Variants in LHFPL7 observed in about 807,000 individuals in gnomAD.
LHFPL7 encodes LHFPL tetraspan subfamily member 7 protein.
At chr22:24,939,182 C>A in the LHFPL7 span, among the ~76,000 whole-genome samples, 10 of 152,072 alleles carry the variant, frequency 6.6e-5, no homozygotes, top group African/African-American at 2.2e-4. Context: ...AACTTCTATG[C>A]TCAGTTCTAA....
the LHFPL7 span, chr22:24,939,363 A>G: frequency 1.4e-6 from 1 of 702,924 alleles, no homozygotes; most frequent in South Asian, 1.5e-5. Context: ...AATATCCTCC[A>G]GGGAACTGAA....
the LHFPL7 span, chr22:24,935,353 C>T: frequency 6.2e-7 from 1 of 1,613,172 alleles, no homozygotes; most frequent in Non-Finnish European, 8.5e-7. Flanking sequence ...ATTTCTGGCA[C>T]AAAGATGATT....
At chr22:24,945,741 C>T in the LHFPL7 span, among the ~76,000 whole-genome samples, 2 of 152,226 alleles carry the variant, frequency 1.3e-5, no homozygotes, top group East Asian at 3.8e-4. Context: ...AGAGGAAGGG[C>T]ACCCAGTCCA....
At chr22:24,940,676 T>TTC in the LHFPL7 span, among the ~76,000 whole-genome samples, 3 of 115,938 alleles carry the variant, frequency 2.6e-5, no homozygotes, top group African/African-American at 1.2e-4. Context: ...CTTCCTTCCC[T>TTC]CCTTCCTTCT....
At chr22:24,941,819 A>C in the LHFPL7 span, among the ~76,000 whole-genome samples, 3,859 of 151,370 alleles carry the variant, frequency 0.025, 322 homozygotes, top group Admixed American at 0.18. Context: ...GGCACAAGCC[A>C]TCACGCCCAG....
the LHFPL7 span, among the ~76,000 whole-genome samples, chr22:24,938,918 G>A: frequency 5.9e-5 from 9 of 152,334 alleles, no homozygotes; most frequent in African/African-American, 2.2e-4. Context: ...GGCCATCATA[G>A]ATTTGCAAAC....
chr22:24,941,947 G>A, the LHFPL7 span, among the ~76,000 whole-genome samples: 1 of 151,656 alleles, frequency 6.6e-6, no homozygotes, highest in Non-Finnish European at 1.5e-5. Flanking sequence ...TTACACGCGT[G>A]AGCCACTGCA....
At chr22:24,939,698 G>A in the LHFPL7 span, 1 of 622,568 alleles carries the variant, frequency 1.6e-6, no homozygotes, top group Middle Eastern at 4.3e-4. Context: ...ATGCAAATGG[G>A]AGGTACTAAT....
the LHFPL7 span, chr22:24,935,156 T>G: frequency 1.3e-6 from 1 of 761,272 alleles, no homozygotes; most frequent in Non-Finnish European, 2.1e-6. Flanking sequence ...AGAACAACCT[T>G]ATGAGGTAGG....
the LHFPL7 span, chr22:24,939,335 C>T: frequency 1.4e-6 from 1 of 702,948 alleles, no homozygotes; most frequent in African/African-American, 1.7e-5. Flanking sequence ...CAGCTCTCAC[C>T]TTCCAGGCAA....
At chr22:24,936,174 C>G in the LHFPL7 span, among the ~76,000 whole-genome samples, 3,764 of 152,206 alleles carry the variant, frequency 0.025, 154 homozygotes, top group African/African-American at 0.086. Context: ...CAGCCATGTT[C>G]ATCTCCACTT....
At chr22:24,942,426 A>C in the LHFPL7 span, among the ~76,000 whole-genome samples, 3 of 152,266 alleles carry the variant, frequency 2.0e-5, no homozygotes, top group Admixed American at 6.5e-5. Flanking sequence ...ATTGATGGCC[A>C]GAAAGGAAGC....
the LHFPL7 span, among the ~76,000 whole-genome samples, chr22:24,937,378 C>T: frequency 1.3e-5 from 2 of 152,110 alleles, no homozygotes; most frequent in Non-Finnish European, 2.9e-5. Flanking sequence ...GCACACTGAG[C>T]CTGGCAGAGG....
chr22:24,937,905 G>A, the LHFPL7 span, among the ~76,000 whole-genome samples: 10 of 152,090 alleles, frequency 6.6e-5, no homozygotes, highest in African/African-American at 2.2e-4. Context: ...AAACAAAGGG[G>A]GACAGATTAT....
chr22:24,943,907 T>C, the LHFPL7 span, among the ~76,000 whole-genome samples: 2 of 152,202 alleles, frequency 1.3e-5, no homozygotes. Context: ...AGTCTCTTTC[T>C]TCTTCTGGCT....
the LHFPL7 span, chr22:24,939,562 A>G: frequency 1.4e-6 from 1 of 702,298 alleles, no homozygotes; most frequent in South Asian, 1.5e-5. Flanking sequence ...CCTAGGGGTC[A>G]ACAGGGAAGA....
At chr22:24,938,182 T>A in the LHFPL7 span, 2 of 1,614,120 alleles carry the variant, frequency 1.2e-6, no homozygotes, top group African/African-American at 2.7e-5. Flanking sequence ...ATTGGAACAC[T>A]GCTTCTCCTT....
the LHFPL7 span, among the ~76,000 whole-genome samples, chr22:24,940,738 C>T: frequency 1.6e-5 from 2 of 124,546 alleles, no homozygotes; most frequent in Non-Finnish European, 3.2e-5. Flanking sequence ...TCCTTGCTTC[C>T]TTCCTTCCTT....
the LHFPL7 span, among the ~76,000 whole-genome samples, chr22:24,940,636 C>CCCCTCCTT: frequency 1.6e-5 from 1 of 61,080 alleles, no homozygotes; most frequent in Admixed American, 2.3e-4. Context: ...CATATGCCCG[C>CCCCTCCTT]CCTTCCTTCC....
Sources: allele counts gnomAD v4.1 joint callset (sites outside exome capture counted in the v4.1 genomes callset), GRCh38; gene constraint gnomAD v4.1.1; transcripts MANE v1.5; gene names NCBI Gene and HGNC (gene_info 2026-07-23, HGNC 2026-07-21).